The following ENDOV variants were observed in gnomAD, a reference collection of about 807,000 sequenced individuals.
ENDOV encodes endonuclease V, also known as hEndoV.
A neutral mutation model predicts 39.4 loss-of-function variants in ENDOV; 37 were observed. The observed-to-expected ratio is 0.94, with a 90% CI of 0.72 to 1.23. ENDOV has a LOEUF of 1.23. Among genes scored for constraint, ENDOV ranks in the 50% most tolerant of loss-of-function variants. ENDOV has a pLI of 0.00. For synonymous variants in ENDOV, 186 were observed against 163.4 expected (o/e 1.14, Z -1.05); for missense variants, 441 against 375.7 (o/e 1.17, Z -1.44).
chr17:80,428,622 C>A lies in ENDOV; in HGVS notation c.741C>A (p.Ile247=). ...RQADICSREH[I]RKSLGLPGPP... ...CTGACATCTGCTCCCGAGAGCACAT[C>A]CGCAAGTCGCTGGGACTCCCCGGGC... The change falls in exon 8 of 10, where the codon ATC becomes ATA. Residue 247 remains isoleucine (I), a synonymous_variant. Transcript: ENST00000518137. 1 of 1,586,208 alleles carries A rather than the reference C, an allele frequency of 6.3e-7. No individual in the cohort carries two copies. The highest frequency in any genetic ancestry group is 2.3e-5 in the East Asian group (1 of 43,444).
intron 3 of ENDOV, 46 bp downstream of exon 3, chr17:80,422,008 C>G: frequency 6.3e-7 from 1 of 1,597,272 alleles, no homozygotes; most frequent in Non-Finnish European, 8.5e-7. Context: ...CTCCTTCCCC[C>G]TGGGGGAGGG....
Position 80,415,282 on chromosome 17 carries a change from G to A in ENDOV, c.56+32G>A, listed in dbSNP as rs527275187. 3.5e-4 allele frequency: 566 copies of A among 1,611,470 alleles called. 7 individuals are homozygous for A. The South Asian group carries it at 5.8e-3, about 17-fold the overall frequency. Reference sequence around the variant, plus strand: ...CTGTCAGGCGACGCGCAGGAGGCGGGGGCCGAGGCCGGGCGGCCCTTCGCG... The same window carrying A: ...CTGTCAGGCGACGCGCAGGAGGCGGAGGCCGAGGCCGGGCGGCCCTTCGCG... On this transcript the variant is annotated intron_variant, in intron 1 of 9. Transcript: ENST00000518137.
At chr17:80,415,480 T>G in intron 1 of ENDOV, 170 bp from the exon 2 acceptor site, 1 of 1,054,004 alleles carries the variant, frequency 9.5e-7, no homozygotes, top group East Asian at 2.6e-5. Context: ...CTTGCGCGGG[T>G]CTCCGCCGCC....
intron 8 of ENDOV, among the ~76,000 whole-genome samples, chr17:80,429,569 C>T (rs1400246299): frequency 6.6e-6 from 1 of 152,228 alleles, no homozygotes; most frequent in East Asian, 1.9e-4. Flanking sequence ...GGGGACCCCC[C>T]AAGCTCTCCC....
Position 80,429,627 on chromosome 17 carries a change from C to G in ENDOV, c.780-146C>G, listed in dbSNP as rs1051803106. ...GAATGCAAGCTGCGTGTCTGAGCAG[C>G]GTGCTCTGCCCTGCCCTCTGCCCTG... is the stretch of plus-strand genomic sequence containing the variant. On this transcript the variant is annotated intron_variant, in intron 8 of 9. Coordinates refer to ENST00000518137, the MANE Select transcript of ENDOV (RefSeq NM_173627.5). The G allele has an allele frequency of 2.5e-5, 18 of 713,136 alleles. No homozygotes were observed. The Admixed American group carries it at 4.6e-4, about 18-fold the overall frequency. The allele number at this position is 713,136 out of a possible 1,614,324, so 44.2% of individuals were successfully genotyped here. A position where few individuals can be genotyped will look rare whatever the true frequency, so the allele number is the denominator to read the frequency against.
At position 80,436,151 on chromosome 17, in the gene ENDOV, G is replaced by A. The variant is rs545581925; in HGVS notation, c.*8G>A. ...CGTCTAGCACTTTGTTGAACGTGGT[G>A]GTGAGAGCACACGTCCTCGTCTCAT... On this transcript the variant is annotated 3_prime_UTR_variant, in exon 10 of 10. Coordinates refer to ENST00000518137, the MANE Select transcript of ENDOV (RefSeq NM_173627.5). The A allele has an allele frequency of 3.1e-6, 5 of 1,603,384 alleles. No homozygotes were observed. Among genetic ancestry groups the A allele is most frequent in the Non-Finnish European group, 4.3e-6 (5 of 1,175,618 alleles).
chr17:80,432,729 G>T (rs1036320953), intron 9 of ENDOV, among the ~76,000 whole-genome samples: 6 of 152,056 alleles, frequency 3.9e-5, no homozygotes, highest in African/African-American at 1.4e-4. Flanking sequence ...GGCGATGGGG[G>T]ACCTTGCCTC....
intron 5 of ENDOV, 111 bp from the exon 6 acceptor site, chr17:80,424,921 C>T (rs1599395261): frequency 1.1e-6 from 1 of 893,368 alleles, no homozygotes; most frequent in African/African-American, 1.7e-5. Flanking sequence ...CGCCACTGTA[C>T]TTCAGCCTGG....
At chr17:80,416,151 C>A (rs2081122325) in intron 2 of ENDOV, 1 of 197,320 alleles carries the variant, frequency 5.1e-6, no homozygotes, top group Non-Finnish European at 1.0e-5. Context: ...GCGGGAGAAT[C>A]GCTTGAACCC....
Position 80,415,781 on chromosome 17 carries a change from C to T in ENDOV, c.188C>T (p.Ala63Val), listed in dbSNP as rs769828483. 2.5e-6 allele frequency: 4 copies of T among 1,603,674 alleles called. No homozygotes were observed. In the East Asian group the frequency reaches 6.8e-5, roughly 27 times the overall value. The change falls in exon 2 of 10, where the codon GCT becomes GTT. Residue 63 changes from alanine to valine, a missense_variant. By Grantham distance (64) the Ala-to-Val change is moderately conservative. Transcript: ENST00000518137. ...TTCGTGAAAGGGGACAGTGTCCGCG[C>T]TTGTGCTTCCCTGGTGGTGCTCAGC... ...VSFVKGDSVR[A>V]CASLVVLSFP...
At position 80,428,639 on chromosome 17, in the gene ENDOV, TC is replaced by T; in HGVS notation, c.762del (p.Pro256HisfsTer46). 1 of 1,583,878 alleles carries T rather than the reference TC, an allele frequency of 6.3e-7. No homozygotes were observed. The highest frequency in any genetic ancestry group is 8.6e-7 in the Non-Finnish European group (1 of 1,165,552). On this transcript the variant is annotated frameshift_variant, in exon 8 of 10. Transcript: ENST00000518137. LOFTEE classifies it high-confidence loss of function. ...SREHIRKSLG[L>X]PGPPTPRSPK... is the part of the protein sequence containing the mutation. ...GAGCACATCCGCAAGTCGCTGGGAC[TC>T]CCCGGGCCACCCACACCGAGGTGAG...
chr17:80,430,218 C>T, intron 9 of ENDOV: 4 of 1,471,440 alleles, frequency 2.7e-6, no homozygotes, highest in South Asian at 2.8e-5. Context: ...AGTGCCAGAT[C>T]CTGAGAGCGC....
rs1384049757 is a variant in ENDOV, at chr17:80,436,250, A to ACACG, written c.*107_*108insCACG. 8.7e-6 allele frequency: 8 copies of ACACG among 919,050 alleles called. No individual in the cohort carries two copies. Among genetic ancestry groups the ACACG allele is most frequent in the Non-Finnish European group, 1.1e-5 (7 of 638,496 alleles). The allele number at this position is 919,050 out of a possible 1,614,324, so 56.9% of individuals were successfully genotyped here. On this transcript the variant is annotated 3_prime_UTR_variant, in exon 10 of 10. Transcript: ENST00000518137. Reference sequence around the variant, plus strand: ...ATCGAACGCGGTGGTGAGAGCACACATCCTCGTCTCGTTCCTGATCGAACG... The same window carrying ACACG: ...ATCGAACGCGGTGGTGAGAGCACACACACGTCCTCGTCTCGTTCCTGATCGAACG...
rs762073392 is a variant in ENDOV at position 80,415,208 on chromosome 17, C to T, written c.14C>T (p.Ala5Val). ...CGGGACGAAGCCATGGCCCTGGAGG[C>T]GGCGGGAGGGCCGCCGGAGGAAACG... MALEAAGGPPEETLS... is the reference protein window; with the variant it reads MALEVAGGPPEETLS... Residue 5 changes from alanine (A) to valine (V), a missense_variant, in exon 1 of 10, where the codon GCG (alanine) becomes GTG (valine). Transcript: ENST00000518137. 3.0e-5 allele frequency: 49 copies of T among 1,613,124 alleles called. No homozygotes were observed. The highest frequency in any genetic ancestry group is 1.5e-4 in the Admixed American group (9 of 59,974).
intron 8 of ENDOV, 140 bp from the exon 9 acceptor site, chr17:80,429,633 C>G (rs1264860386): frequency 7.9e-6 from 6 of 761,610 alleles, no homozygotes; most frequent in Non-Finnish European, 1.2e-5. Context: ...GCAGCGTGCT[C>G]TGCCCTGCCC....
chr17:80,423,085 G>C (rs1253687139), intron 4 of ENDOV, among the ~76,000 whole-genome samples: 10 of 152,240 alleles, frequency 6.6e-5, no homozygotes, highest in Non-Finnish European at 1.2e-4. Flanking sequence ...GTGACATTGG[G>C]CCTTCCTGGC....
chr17:80,419,574 C>A, intron 2 of ENDOV: 1 of 702,754 alleles, frequency 1.4e-6, no homozygotes, highest in Non-Finnish European at 2.6e-6. Context: ...GTCTGTGACT[C>A]CCATCGATCA....
intron 9 of ENDOV, among the ~76,000 whole-genome samples, chr17:80,435,675 C>A (rs1376388331): frequency 6.6e-6 from 1 of 151,860 alleles, no homozygotes; most frequent in Non-Finnish European, 1.5e-5. Context: ...TGTGCGGTGG[C>A]GTGATCTCGG....
At chr17:80,423,378 T>G in intron 4 of ENDOV, 142 bp from the exon 5 acceptor site, 1 of 788,300 alleles carries the variant, frequency 1.3e-6, no homozygotes, top group Non-Finnish European at 2.0e-6. Context: ...GCTTGGGACT[T>G]AGATCTGGTT....
Sources: allele counts gnomAD v4.1 joint callset (sites outside exome capture counted in the v4.1 genomes callset), GRCh38; gene constraint gnomAD v4.1.1; transcripts MANE v1.5; gene names NCBI Gene and HGNC (gene_info 2026-07-23, HGNC 2026-07-21).